The following SREBF1 variants were observed in gnomAD, a reference collection of about 807,000 sequenced individuals.
The protein encoded by SREBF1 is sterol regulatory element binding transcription factor 1.
SREBF1 carries 45 observed loss-of-function variants against 100.1 expected under a neutral mutation model. The ratio of observed to expected loss-of-function variants is 0.45; its 90% CI spans 0.35 to 0.58. The LOEUF is 0.58. Among genes scored for constraint, SREBF1 ranks in the 20% least tolerant of loss-of-function variants. The probability of loss-of-function intolerance (pLI) is 0.00; values close to 1 mark genes in which losing one functional copy is unlikely to be tolerated. For synonymous variants in SREBF1, 657 were observed against 681.8 expected, an observed-to-expected ratio of 0.96 and a Z score of 0.57; for missense variants, 1,324 against 1,539.4, an observed-to-expected ratio of 0.86 and a Z score of 2.34.
In SREBF1 at chr17:17,812,596, G is replaced by A. The variant is rs548244440; in HGVS notation, c.*26C>T. 8.4e-5 allele frequency: 133 copies of A among 1,574,034 alleles called. No homozygotes were observed. The Admixed American group carries it at 1.2e-3, about 14-fold the overall frequency. On this transcript the variant is annotated 3_prime_UTR_variant, in exon 19 of 19. Transcript: ENST00000261646. ...ACGGGACCAAAGTGGCTAGAGACAG[G>A]GGTGCTGAGGCCGGGGACACGGGGT...
Position 17,813,443 on chromosome 17 carries a change from C to T in SREBF1, c.3139G>A (p.Gly1047Arg), listed in dbSNP as rs762911298. ...TGGTGTGTCCGTGTGGGGCTGGCCC[C>T]CGCCATCAGCCGGGCCGTGGCCTCA... ...LHEATARLMA[G>R]ASPTRTHQLL... is the part of the protein sequence containing the mutation. The change falls in exon 18 of 19, where the codon GGG (glycine) becomes AGG (arginine). Residue 1047 changes from glycine (G) to arginine (R), a missense_variant. Physicochemically the swap from Gly to Arg is moderately radical, Grantham distance 125 (BLOSUM62 -2). Coordinates refer to ENST00000261646, the MANE Select transcript of SREBF1 (RefSeq NM_004176.5). 6.2e-7 allele frequency: 1 copy of T among 1,604,426 alleles called. No individual in the cohort carries two copies. Among genetic ancestry groups the T allele is most frequent in the East Asian group, 2.2e-5 (1 of 44,458 alleles).
At chr17:17,812,907 G>GA (rs747392616) in intron 18 of SREBF1, 56 bp from the exon 19 acceptor site, 48 of 1,419,074 alleles carry the variant, frequency 3.4e-5, no homozygotes, top group East Asian at 2.8e-4. Context: ...GCCCCCGCGG[G>GA]AGCCCTGCCC....
At chr17:17,832,934 C>CAAAAAAAAAAAAA (rs1051240899) in intron 1 of SREBF1, among the ~76,000 whole-genome samples, 1 of 136,706 alleles carries the variant, frequency 7.3e-6, no homozygotes, top group Non-Finnish European at 1.6e-5. Flanking sequence ...AACAAACAAA[C>CAAAAAAAAAAAAA]AAAAAAAAAA....
chr17:17,825,951 G>C (rs970149784), intron 1 of SREBF1, among the ~76,000 whole-genome samples: 1 of 152,130 alleles, frequency 6.6e-6, no homozygotes, highest in Non-Finnish European at 1.5e-5. Flanking sequence ...GACTGAAAAA[G>C]GAAACTCTAG....
At chr17:17,815,631 A>G (rs2033475618) in intron 12 of SREBF1, 1 of 606,442 alleles carries the variant, frequency 1.6e-6, no homozygotes, top group Non-Finnish European at 2.9e-6. Flanking sequence ...GCCTGGGGTC[A>G]CTTCTCCAAT....
intron 1 of SREBF1, among the ~76,000 whole-genome samples, chr17:17,833,635 A>T (rs188808000): frequency 6.6e-6 from 1 of 151,940 alleles, no homozygotes; most frequent in East Asian, 1.9e-4. Flanking sequence ...TGATATACTA[A>T]AAATGGGTAA....
intron 1 of SREBF1, among the ~76,000 whole-genome samples, chr17:17,836,349 C>CGGCTGG (rs2035233884): frequency 6.6e-6 from 1 of 152,248 alleles, no homozygotes; most frequent in Non-Finnish European, 1.5e-5. Context: ...AATTACGTCA[C>CGGCTGG]GGCTGGGGCT....
Position 17,814,910 on chromosome 17 carries a change from G to A in SREBF1, c.2527C>T (p.Leu843=). Residue 843 remains leucine, a synonymous_variant, in exon 14 of 19, where the codon CTG becomes TTG. Transcript: ENST00000261646. ...FSDALGYLQL[L]NSCSDAAGAP... is the part of the protein sequence containing the mutation. ...CCCGCAGCATCAGAACAGCTGTTCA[G>A]CAGCTGCAGGTACCCGAGGGCATCC... 6.3e-7 allele frequency: 1 copy of A among 1,577,716 alleles called. No homozygotes were observed. Among genetic ancestry groups the A allele is most frequent in the Non-Finnish European group, 8.6e-7 (1 of 1,162,236 alleles).
rs1379826974 is a variant in SREBF1, at chr17:17,817,873, G to A, written c.1227C>T (p.Asn409=). 1 of 1,604,176 alleles carries A rather than the reference G, an allele frequency of 6.2e-7. No individual in the cohort carries two copies. Among genetic ancestry groups the A allele is most frequent in the Non-Finnish European group, 8.5e-7 (1 of 1,179,962 alleles). The change falls in exon 7 of 19, where the codon AAC becomes AAT. Residue 409 remains asparagine (N), a synonymous_variant. Transcript: ENST00000261646. This position sits in a 1 kb window ranked among gnomAD's most constrained non-coding sequence, Gnocchi z 6.6. ...TCACGCCCTCCATGAGCACGTCTGT[G>A]TTCCCTCCACTGCCACAGGCCGACA... ...DLVSACGSGG[N]TDVLMEGVKT...
At chr17:17,820,587 C>T in intron 1 of SREBF1, 66 bp from the exon 2 acceptor site, 10 of 1,517,512 alleles carry the variant, frequency 6.6e-6, no homozygotes, top group East Asian at 2.3e-5. Flanking sequence ...GCATCACACA[C>T]ATCCAAACAC....
In SREBF1 at chr17:17,820,396, A is replaced by C. The variant is rs1224442476; in HGVS notation, c.217T>G (p.Ser73Ala). Residue 73 changes from serine to alanine, a missense_variant, in exon 2 of 19, where the codon TCT becomes GCT. Transcript: ENST00000261646. ...GAGCTCAATGTGGCAGGAGGTGGAGACAAGCTGCCTGGGGAGCTGGTATCG... is the reference window on the plus strand; with the variant it reads ...GAGCTCAATGTGGCAGGAGGTGGAGCCAAGCTGCCTGGGGAGCTGGTATCG... ...SPDTSSPGSL[S>A]PPPATLSSSL... The C allele has an allele frequency of 6.2e-7, 1 of 1,612,366 alleles. No homozygotes were observed. Among genetic ancestry groups the C allele is most frequent in the Non-Finnish European group, 8.5e-7 (1 of 1,178,798 alleles).
At position 17,816,205 on chromosome 17, in the gene SREBF1, A is replaced by ACCCCCGCCACCCCACCCCCCTGCCACCC; in HGVS notation, c.2214+1_2214+2insGGGTGGCAGGGGGGTGGGGTGGCGGGGG. 8.9e-7 allele frequency: 1 copy of ACCCCCGCCACCCCACCCCCCTGCCACCC among 1,123,430 alleles called. No individual in the cohort carries two copies. The highest frequency in any genetic ancestry group is 1.1e-6 in the Non-Finnish European group (1 of 883,194). The allele number at this position is 1,123,430 out of a possible 1,614,324, so 69.6% of individuals were successfully genotyped here. ...AAGCCCCCAGCCCCCCAACCCACTC[A>ACCCCCGCCACCCCACCCCCCTGCCACCC]CTGTCAGAAAATGCAAGGCCCGTGG... On this transcript the variant is annotated splice_donor_variant, in intron 11 of 18. Transcript: ENST00000261646. LOFTEE classifies it high-confidence loss of function.
At position 17,823,620 on chromosome 17, in the gene SREBF1, G is replaced by A. The variant is rs762696464; in HGVS notation, c.92-3099C>T. The A allele has an allele frequency of 8.1e-6, 13 of 1,606,568 alleles. No homozygotes were observed. The South Asian group carries it at 8.8e-5, about 11-fold the overall frequency. On this transcript the variant is annotated intron_variant, in intron 1 of 18. Transcript: ENST00000261646. ...GCGCCGACTTCACCTGTCAAGGCGC[G>A]GCGGATTTTTGAAGCCGTTGAGCGC...
In SREBF1 at chr17:17,814,571, G is replaced by A. The variant is rs564110856; in HGVS notation, c.2735+44C>T. On this transcript the variant is annotated intron_variant, in intron 15 of 18. Coordinates refer to ENST00000261646, the MANE Select transcript of SREBF1 (RefSeq NM_004176.5). ...GGCACAGTGCCCAGGGGATGAGGAAGGCTGAGCCCGGGACCAGGCAGGAGG... is the reference window on the plus strand; with the variant it reads ...GGCACAGTGCCCAGGGGATGAGGAAAGCTGAGCCCGGGACCAGGCAGGAGG... 411 of 1,536,624 alleles carry A rather than the reference G, an allele frequency of 2.7e-4. No homozygotes were observed. The Admixed American group carries it at 7.7e-3, about 29-fold the overall frequency.
intron 1 of SREBF1, among the ~76,000 whole-genome samples, chr17:17,832,631 G>A (rs1189303985): frequency 1.3e-5 from 2 of 152,190 alleles, no homozygotes; most frequent in Non-Finnish European, 2.9e-5. Flanking sequence ...GCAAAGACTG[G>A]CCTCAGTGGC....
In SREBF1 at chr17:17,820,101, C is replaced by T; in HGVS notation, c.512G>A (p.Gly171Asp). The T allele has an allele frequency of 1.2e-6, 2 of 1,611,706 alleles. No homozygotes were observed. Among genetic ancestry groups the T allele is most frequent in the Non-Finnish European group, 1.7e-6 (2 of 1,179,568 alleles). ...CACATCCCCCTTACCTGTAGAGAAG[C>T]CTCCCGGAGGGCTGGGGTAGCCTAA... is the stretch of plus-strand genomic sequence containing the variant. Reference protein sequence around the residue: ...PVLGYPSPPGGFSTGSPPGNT... With the variant: ...PVLGYPSPPGDFSTGSPPGNT... Residue 171 changes from glycine to aspartate, a missense_variant, in exon 2 of 19, where the codon GGC becomes GAC. Physicochemically the swap from Gly to Asp is moderately conservative, Grantham distance 94. Transcript: ENST00000261646.
At chr17:17,818,234 T>G (rs763311132) in intron 6 of SREBF1, 26 bp downstream of exon 6, 2 of 1,592,758 alleles carry the variant, frequency 1.3e-6, no homozygotes, top group Admixed American at 1.7e-5. Context: ...GAGGCCAGAC[T>G]GGAGCTCAAT....
chr17:17,821,154 C>T (rs1259209113), intron 1 of SREBF1, among the ~76,000 whole-genome samples: 1 of 143,366 alleles, frequency 7.0e-6, no homozygotes, highest in East Asian at 2.0e-4. Context: ...CACACACATA[C>T]ACACACACAC....
At chr17:17,827,880 G>A (rs2034587777) in intron 1 of SREBF1, among the ~76,000 whole-genome samples, 1 of 152,192 alleles carries the variant, frequency 6.6e-6, no homozygotes, top group Admixed American at 6.5e-5. Flanking sequence ...TGTGTGCAGA[G>A]TGCAAAGACA....
Sources: gnomAD v4.1 joint callset for allele counts (sites outside exome capture counted in the v4.1 genomes callset) on GRCh38, gnomAD v4.1.1 for gene constraint, Gnocchi (gnomAD v3.1) non-coding constraint, MANE v1.5 for transcripts, NCBI Gene and HGNC (gene_info 2026-07-23, HGNC 2026-07-21) for gene names.